The following CBR4 variants were observed in gnomAD, a reference collection of about 807,000 sequenced individuals.
CBR4 encodes carbonyl reductase 4.
CBR4 carries 22 observed loss-of-function variants against 21.0 expected under a neutral mutation model. The observed-to-expected ratio is 1.05, with a 90% CI of 0.75 to 1.50. The LOEUF (loss-of-function observed/expected upper bound fraction) is 1.50. CBR4 is among the 40% of genes most tolerant of loss of function. The pLI, the probability that CBR4 is intolerant of heterozygous loss-of-function variation, is 0.00. For missense variants in CBR4, 302 were observed against 286.3 expected (o/e 1.05, Z -0.40); for synonymous variants, 100 against 104.4 (o/e 0.96, Z 0.26).
intron 2 of CBR4, among the ~76,000 whole-genome samples, chr4:168,963,953 A>G (rs1463570335): frequency 6.6e-6 from 1 of 152,144 alleles, no homozygotes; most frequent in East Asian, 1.9e-4. Context: ...GTTGGGGAAC[A>G]TCCAAATCCA....
intron 2 of CBR4, chr4:168,898,267 C>A: frequency 1.8e-6 from 1 of 569,114 alleles, no homozygotes. Context: ...ATCTTTCCTA[C>A]CCCCCTCTTT....
chr4:168,973,505 T>C (rs951298502), intron 2 of CBR4, among the ~76,000 whole-genome samples: 1 of 152,202 alleles, frequency 6.6e-6, no homozygotes. Context: ...TTTTTGTATG[T>C]TTCGTAGAGA....
intron 2 of CBR4, among the ~76,000 whole-genome samples, chr4:168,931,052 G>A (rs755474583): frequency 6.6e-6 from 1 of 152,154 alleles, no homozygotes; most frequent in Non-Finnish European, 1.5e-5. Flanking sequence ...AACCCTGGAG[G>A]CTCAGAACCT....
intron 2 of CBR4, among the ~76,000 whole-genome samples, chr4:168,907,638 T>G (rs2151347882): frequency 6.6e-6 from 1 of 152,304 alleles, no homozygotes; most frequent in Middle Eastern, 3.4e-3. Flanking sequence ...GTTACTGCCC[T>G]TATTCCAGGC....
At position 168,928,326 on chromosome 4, in the gene CBR4, TAAAA is replaced by T. The variant is rs398064261; in HGVS notation, n.170-33565_170-33562del. On this transcript the variant is annotated intron_variant and non_coding_transcript_variant, in intron 2 of 3. Transcript: ENST00000509108. ...TTTTGCCACCTTTATATTGTATTTA[TAAAA>T]AAAAAAGTACTATCAATCAATCATA... is the stretch of plus-strand genomic sequence containing the variant. 7.7e-4 allele frequency: 139 copies of T among 179,542 alleles called. 1 individual carries two copies. Among genetic ancestry groups the T allele is most frequent in the African/African-American group, 3.2e-3 (133 of 42,052 alleles). 11.1% of individuals were successfully genotyped at this position (179,542 alleles called of 1,614,324 possible).
chr4:168,937,353 A>G (rs1763141507), intron 2 of CBR4, among the ~76,000 whole-genome samples: 2 of 152,172 alleles, frequency 1.3e-5, no homozygotes, highest in South Asian at 4.1e-4. Flanking sequence ...GCAACTGCAA[A>G]AACATACCAA....
At chr4:169,002,634 G>A (rs953084394) in intron 3 of CBR4, among the ~76,000 whole-genome samples, 7 of 151,938 alleles carry the variant, frequency 4.6e-5, no homozygotes, top group African/African-American at 1.7e-4. Context: ...GAAAGCTCTC[G>A]TTTTCACCCT....
chr4:168,914,340 A>C (rs1356904048), intron 2 of CBR4, among the ~76,000 whole-genome samples: 2 of 152,250 alleles, frequency 1.3e-5, no homozygotes, highest in East Asian at 3.8e-4. Flanking sequence ...AATGGTACAC[A>C]AATGTTGGAA....
chr4:168,961,289 C>T (rs1268735009), intron 2 of CBR4, among the ~76,000 whole-genome samples: 2 of 152,136 alleles, frequency 1.3e-5, no homozygotes, highest in African/African-American at 4.8e-5. Context: ...AAGTTAGAAA[C>T]TGTAAATCTT....
chr4:168,946,189 C>A (rs1357623175), intron 2 of CBR4, among the ~76,000 whole-genome samples: 1 of 152,188 alleles, frequency 6.6e-6, no homozygotes, highest in African/African-American at 2.4e-5. Flanking sequence ...TGAAAGTTTA[C>A]AGCTTTCTTC....
intron 3 of CBR4, chr4:169,005,119 C>T (rs1453618823): frequency 6.6e-6 from 1 of 151,956 alleles, no homozygotes; most frequent in Non-Finnish European, 1.5e-5. Flanking sequence ...AGGAAGAGAA[C>T]TGTGAAGTAC....
At chr4:168,968,322 T>C (rs72975264) in intron 2 of CBR4, among the ~76,000 whole-genome samples, 374 of 152,330 alleles carry the variant, frequency 2.5e-3, no homozygotes, top group African/African-American at 8.7e-3. Context: ...TGTTACTGAC[T>C]AACATGCTAT....
chr4:168,939,505 A>C (rs866470076), intron 2 of CBR4, among the ~76,000 whole-genome samples: 6 of 152,238 alleles, frequency 3.9e-5, no homozygotes, highest in Middle Eastern at 3.4e-3. Flanking sequence ...AGGAAGTCAA[A>C]TTTTCTGTTT....
At chr4:168,898,739 T>A in intron 2 of CBR4, 1 of 1,465,522 alleles carries the variant, frequency 6.8e-7, no homozygotes, top group Non-Finnish European at 9.6e-7. Context: ...GGAGGCTTTT[T>A]AAGAGTCATT....
At chr4:168,979,172 C>A (rs1243234950) in intron 2 of CBR4, among the ~76,000 whole-genome samples, 4 of 151,226 alleles carry the variant, frequency 2.6e-5, no homozygotes, top group African/African-American at 9.7e-5. Flanking sequence ...TCCCTGCTCC[C>A]ACACCCCAAG....
chr4:168,924,546 A>G (rs754672305), intron 2 of CBR4: 24 of 1,007,104 alleles, frequency 2.4e-5, no homozygotes, highest in Non-Finnish European at 3.2e-5. Context: ...TTTTGATGAA[A>G]TCAATCAAAG....
At chr4:168,974,867 A>G (rs964318420) in intron 2 of CBR4, among the ~76,000 whole-genome samples, 11 of 151,856 alleles carry the variant, frequency 7.2e-5, no homozygotes, top group Admixed American at 5.2e-4. Context: ...CTCCTTGAGT[A>G]GCTTAAATAA....
intron 3 of CBR4, among the ~76,000 whole-genome samples, chr4:169,005,716 A>G (rs938716090): frequency 6.6e-6 from 1 of 152,226 alleles, no homozygotes; most frequent in Admixed American, 6.5e-5. Flanking sequence ...AATCTCTTAC[A>G]TAAGAAAACG....
intron 2 of CBR4, chr4:168,925,159 A>G: frequency 1.3e-6 from 2 of 1,583,160 alleles, no homozygotes; most frequent in Non-Finnish European, 1.7e-6. Context: ...AAATCACATT[A>G]CTCTTTATAA....
Sources: allele counts gnomAD v4.1 joint callset (sites outside exome capture counted in the v4.1 genomes callset), GRCh38; gene constraint gnomAD v4.1.1; transcripts MANE v1.5; gene names NCBI Gene and HGNC (gene_info 2026-07-23, HGNC 2026-07-21).